The following PTBP3 variants were observed in gnomAD, a reference collection of about 807,000 sequenced individuals.
The protein encoded by PTBP3 is polypyrimidine tract binding protein 3, also known as polypyrimidine tract-binding protein 3.
PTBP3 carries 20 observed loss-of-function variants against 58.7 expected under a neutral mutation model. The ratio of observed to expected loss-of-function variants is 0.34; its 90% confidence interval spans 0.24 to 0.50. The LOEUF (loss-of-function observed/expected upper bound fraction) is 0.50, where lower values mean the gene tolerates loss of function less well. Among genes scored for constraint, PTBP3 ranks in the 20% least tolerant of loss-of-function variants. The pLI is 0.98. For synonymous variants in PTBP3, 185 were observed against 219.8 expected (o/e 0.84, Z 1.40); for missense variants, 509 against 637.2 (o/e 0.80, Z 2.17).
chr9:112,361,100 AT>A, the PTBP3 span, among the ~76,000 whole-genome samples: 6 of 151,960 alleles, frequency 3.9e-5, no homozygotes, highest in East Asian at 1.2e-3. Context: ...TTATTTATTT[AT>A]TTTTTGTTTT....
At chr9:112,241,577 T>C (rs1421387362) in intron 7 of PTBP3, among the ~76,000 whole-genome samples, 2 of 152,238 alleles carry the variant, frequency 1.3e-5, no homozygotes, top group Non-Finnish European at 1.5e-5. Context: ...TAGCTGCCTA[T>C]AGTATACATT....
chr9:112,338,371 G>A (rs1830592745), upstream of PTBP3, among the ~76,000 whole-genome samples: 1 of 151,570 alleles, frequency 6.6e-6, no homozygotes. Context: ...GTGTCTGTGT[G>A]CTGCTTTTAA....
At chr9:112,267,577 TCA>T (rs1827149983) in intron 4 of PTBP3, among the ~76,000 whole-genome samples, 1 of 152,166 alleles carries the variant, frequency 6.6e-6, no homozygotes, top group African/African-American at 2.4e-5. Context: ...GTGTGCTACA[TCA>T]AAATAACAGA....
At chr9:112,342,360 C>T in the PTBP3 span, among the ~76,000 whole-genome samples, 1 of 152,162 alleles carries the variant, frequency 6.6e-6, no homozygotes, top group African/African-American at 2.4e-5. Context: ...TTCTGTCTCT[C>T]TAGAGAACAC....
At chr9:112,362,794 A>G in the PTBP3 span, 2 of 306,528 alleles carry the variant, frequency 6.5e-6, no homozygotes, top group Non-Finnish European at 1.3e-5. Flanking sequence ...AGTCAGAACA[A>G]TATGTCAAAA....
intron 1 of PTBP3, chr9:112,298,675 A>C (rs1589885503): frequency 5.4e-6 from 2 of 372,270 alleles, no homozygotes; most frequent in East Asian, 1.4e-4. Context: ...CTGGATAATA[A>C]AAATTAATCC....
chr9:112,245,011 T>C (rs1170337927), intron 7 of PTBP3, among the ~76,000 whole-genome samples: 1 of 152,070 alleles, frequency 6.6e-6, no homozygotes, highest in Non-Finnish European at 1.5e-5. Flanking sequence ...AAACAAGTCT[T>C]GTAAGTACTA....
rs983575143 is a variant in PTBP3, at chr9:112,222,288, A to C, written c.*1563T>G. The C allele has an allele frequency of 2.8e-5, 27 of 972,452 alleles. No homozygotes were observed. The highest frequency in any genetic ancestry group is 1.2e-4 in the Admixed American group (2 of 16,256). 60.2% of individuals were successfully genotyped at this position (972,452 alleles called of 1,614,324 possible). ...CAATTTTACATTATACAATCACTGAAGCAACATTAAAATGTACTCTTACAT... is the reference window on the plus strand; with the variant it reads ...CAATTTTACATTATACAATCACTGACGCAACATTAAAATGTACTCTTACAT... On this transcript the variant is annotated 3_prime_UTR_variant, in exon 14 of 14. Coordinates refer to ENST00000374257, the MANE Select transcript of PTBP3 (RefSeq NM_001163788.4).
Position 112,221,711 on chromosome 9 carries a change from A to G in PTBP3, c.*2140T>C. The G allele has an allele frequency of 1.0e-6, 1 of 985,232 alleles. No homozygotes were observed. The highest frequency in any genetic ancestry group is 1.2e-6 in the Non-Finnish European group (1 of 829,748). 61.0% of individuals were successfully genotyped at this position (985,232 alleles called of 1,614,324 possible). A position where few individuals can be genotyped will look rare whatever the true frequency, so the allele number is the denominator to read the frequency against. On this transcript the variant is annotated 3_prime_UTR_variant, in exon 14 of 14. Coordinates refer to ENST00000374257, the MANE Select transcript of PTBP3 (RefSeq NM_001163788.4). ...TCTATCTATTCAGCCAAACTGATCC[A>G]TTTGAAAAGTCTTAACTTAGTATCC...
At chr9:112,247,032 C>T (rs899834653) in intron 7 of PTBP3, among the ~76,000 whole-genome samples, 4 of 151,982 alleles carry the variant, frequency 2.6e-5, no homozygotes, top group Non-Finnish European at 4.4e-5. Flanking sequence ...TCCAACAGTC[C>T]AACCTGGGCA....
chr9:112,258,920 G>A (rs966290890), intron 5 of PTBP3, among the ~76,000 whole-genome samples: 1 of 152,060 alleles, frequency 6.6e-6, no homozygotes, highest in East Asian at 1.9e-4. Flanking sequence ...CTTGAAGTAG[G>A]ACAAGAGCCT....
intron 7 of PTBP3, among the ~76,000 whole-genome samples, chr9:112,250,347 G>A (rs575360115): frequency 4.2e-4 from 64 of 152,106 alleles, no homozygotes; most frequent in South Asian, 3.9e-3. Context: ...TTCCTTAAGA[G>A]GTTTACTTTA....
the PTBP3 span, among the ~76,000 whole-genome samples, chr9:112,354,176 A>AT: frequency 1.3e-5 from 2 of 152,174 alleles, no homozygotes; most frequent in Non-Finnish European, 2.9e-5. Context: ...TGGTTAGGGT[A>AT]TATCTGTTTT....
chr9:112,328,905 C>G (rs749443539), intron 1 of PTBP3, among the ~76,000 whole-genome samples: 2 of 152,226 alleles, frequency 1.3e-5, no homozygotes, highest in South Asian at 4.1e-4. Flanking sequence ...AGTGGTGGAA[C>G]AAATTTACAT....
intron 6 of PTBP3, 108 bp from the exon 7 acceptor site, chr9:112,251,211 G>T: frequency 1.1e-6 from 1 of 880,548 alleles, no homozygotes. Context: ...AGAAAGCACT[G>T]ACTAAAAAGC....
chr9:112,231,969 GA>G, intron 9 of PTBP3, 129 bp downstream of exon 9: 1 of 342,974 alleles, frequency 2.9e-6, no homozygotes, highest in Non-Finnish European at 4.7e-6. Context: ...GAAGAGAAGA[GA>G]GAAGAGAAGA....
At chr9:112,291,308 T>A (rs927220077) in intron 2 of PTBP3, among the ~76,000 whole-genome samples, 76 of 151,758 alleles carry the variant, frequency 5.0e-4, no homozygotes, top group Non-Finnish European at 6.0e-4. Flanking sequence ...TTCAAAGTGA[T>A]CTACAGGATC....
At chr9:112,299,198 T>A (rs3808879) in intron 1 of PTBP3, among the ~76,000 whole-genome samples, 2 of 151,990 alleles carry the variant, frequency 1.3e-5, no homozygotes, top group Non-Finnish European at 2.9e-5. Context: ...CTAACAGATA[T>A]ATCTTCCACA....
At chr9:112,368,470 C>T in the PTBP3 span, among the ~76,000 whole-genome samples, 1 of 152,110 alleles carries the variant, frequency 6.6e-6, no homozygotes, top group South Asian at 2.1e-4. Flanking sequence ...CGTGCCCAGC[C>T]CAGGTACCTT....
Sources: allele counts gnomAD v4.1 joint callset (sites outside exome capture counted in the v4.1 genomes callset), GRCh38; gene constraint gnomAD v4.1.1; transcripts MANE v1.5; gene names NCBI Gene and HGNC (gene_info 2026-07-23, HGNC 2026-07-21).